TSPEAR: variants seen among roughly 807,000 people sequenced by gnomAD.
TSPEAR encodes thrombospondin type laminin G domain and EAR repeats.
A neutral mutation model predicts 71.6 loss-of-function variants in TSPEAR; 69 were observed. The observed-to-expected ratio is 0.96, with a 90% confidence interval of 0.79 to 1.18. The LOEUF (loss-of-function observed/expected upper bound fraction) is 1.18, where lower values mean the gene tolerates loss of function less well. Among genes scored for constraint, TSPEAR ranks in the 50% most tolerant of loss-of-function variants. The pLI, the probability that TSPEAR is intolerant of heterozygous loss-of-function variation, is 0.00. For missense variants in TSPEAR, 971 were observed against 894.9 expected (o/e 1.09, Z -1.09); for synonymous variants, 402 against 387.2 (o/e 1.04, Z -0.45).
chr21:44,547,323 A>G (rs2053317741), intron 2 of TSPEAR, among the ~76,000 whole-genome samples: 1 of 151,944 alleles, frequency 6.6e-6, no homozygotes, highest in Non-Finnish European at 1.5e-5. Flanking sequence ...GATTTTATTT[A>G]GTTTTTTGAA....
chr21:44,637,742 T>C, intron 1 of TSPEAR: 3 of 1,337,532 alleles, frequency 2.2e-6, no homozygotes, highest in Non-Finnish European at 3.1e-6. Flanking sequence ...CGTGCCCGTC[T>C]GTAACAAGCC....
At position 44,623,012 on chromosome 21, in the gene TSPEAR, C is replaced by T. The variant is rs1346790511; in HGVS notation, c.83-55007G>A. 3.3e-5 allele frequency among the ~76,000 whole-genome samples: 5 copies of T among 152,146 alleles called. No individual in the cohort carries two copies. Among genetic ancestry groups the T allele is most frequent in the African/African-American group, 1.2e-4 (5 of 41,418 alleles). On this transcript the variant is annotated intron_variant, in intron 1 of 11. Coordinates refer to ENST00000323084, the MANE Select transcript of TSPEAR (RefSeq NM_144991.3). This position sits in a 1 kb window ranked among gnomAD's most constrained non-coding sequence, Gnocchi z 4.5. ...TGCTACTCTTTTGCCATGTGACATG[C>T]CCACTCCCCCTTCACCTTCCACCAT...
chr21:44,557,931 T>C, intron 2 of TSPEAR: 1 of 1,196,602 alleles, frequency 8.4e-7, no homozygotes, highest in Non-Finnish European at 1.2e-6. Flanking sequence ...AGCTCAGCAT[T>C]GCTGGCTGGA....
intron 1 of TSPEAR, among the ~76,000 whole-genome samples, chr21:44,655,773 G>T (rs1985109821): frequency 6.6e-6 from 1 of 152,164 alleles, no homozygotes; most frequent in Non-Finnish European, 1.5e-5. Flanking sequence ...TTCTACGGTG[G>T]TGTCACACGG....
chr21:44,545,267 G>A (rs1259298925), intron 2 of TSPEAR, among the ~76,000 whole-genome samples: 8 of 151,544 alleles, frequency 5.3e-5, no homozygotes, highest in South Asian at 2.1e-4. Context: ...GCAGTGAGCC[G>A]ATATCGTGCC....
chr21:44,602,737 A>G (rs76068886), intron 1 of TSPEAR, among the ~76,000 whole-genome samples: 127,298 of 151,848 alleles, frequency 0.84, 54,828 homozygotes, highest in Non-Finnish European at 0.94. Context: ...TCGCACACGC[A>G]GCGTCCCAGC....
intron 1 of TSPEAR, chr21:44,592,489 G>T (rs1555927049): frequency 6.2e-7 from 1 of 1,604,540 alleles, no homozygotes; most frequent in Non-Finnish European, 8.5e-7. Flanking sequence ...GGCCATGCTG[G>T]GGTTGAACTG....
chr21:44,513,827 T>A (rs2052472023), intron 9 of TSPEAR, among the ~76,000 whole-genome samples: 1 of 152,084 alleles, frequency 6.6e-6, no homozygotes, highest in African/African-American at 2.4e-5. Flanking sequence ...CAGAAGGCAG[T>A]TCCCCAACAA....
In TSPEAR at chr21:44,509,390, G is replaced by A. The variant is rs1555912340; in HGVS notation, c.1567-4C>T. On this transcript the variant is annotated splice_polypyrimidine_tract_variant and splice_region_variant and intron_variant, in intron 9 of 11. Transcript: ENST00000323084. Reference sequence around the variant, plus strand: ...CCCAGTCTGCAGCACCGAACGTCTAGGACCAAAGGAGAGCAGGTGCAGAGG... The same window carrying A: ...CCCAGTCTGCAGCACCGAACGTCTAAGACCAAAGGAGAGCAGGTGCAGAGG... 6.2e-7 allele frequency: 1 copy of A among 1,611,240 alleles called. No individual in the cohort carries two copies. The highest frequency in any genetic ancestry group is 2.2e-5 in the East Asian group (1 of 44,724).
chr21:44,591,329 G>C, intron 1 of TSPEAR: 1 of 1,550,668 alleles, frequency 6.4e-7, no homozygotes, highest in Non-Finnish European at 8.7e-7. Context: ...AGAGCTTGCT[G>C]GGGCAGCTGG....
intron 1 of TSPEAR, among the ~76,000 whole-genome samples, chr21:44,592,762 G>T (rs1424452474): frequency 6.6e-6 from 1 of 152,152 alleles, no homozygotes; most frequent in Non-Finnish European, 1.5e-5. Context: ...GGAGCTGGGA[G>T]AGCCACAGGT....
At chr21:44,547,853 A>G (rs1196764423) in intron 2 of TSPEAR, among the ~76,000 whole-genome samples, 8 of 152,046 alleles carry the variant, frequency 5.3e-5, no homozygotes, top group Non-Finnish European at 1.2e-4. Flanking sequence ...CAGAGCCTGA[A>G]GTTCAGCCAG....
Position 44,499,944 on chromosome 21 carries a change from AC to A in TSPEAR, c.1857-9del. The A allele has an allele frequency of 6.2e-7, 1 of 1,601,034 alleles. No individual in the cohort carries two copies. The highest frequency in any genetic ancestry group is 1.1e-5 in the South Asian group (1 of 89,686). On this transcript the variant is annotated splice_polypyrimidine_tract_variant and intron_variant, in intron 11 of 11. Coordinates refer to ENST00000323084, the MANE Select transcript of TSPEAR (RefSeq NM_144991.3). ...CCCTCGTAGCCCTGCCACCTGCGGA[AC>A]AGACAGCGGCAGCCGGGTCAGCCTG... is the stretch of plus-strand genomic sequence containing the variant.
chr21:44,578,715 C>T (rs1228958715), intron 1 of TSPEAR, among the ~76,000 whole-genome samples: 5 of 152,084 alleles, frequency 3.3e-5, no homozygotes, highest in African/African-American at 1.2e-4. Flanking sequence ...GGGACAGTTG[C>T]CTACTTACTA....
chr21:44,705,519 G>A (rs1172858385), intron 1 of TSPEAR, among the ~76,000 whole-genome samples: 1 of 152,208 alleles, frequency 6.6e-6, no homozygotes, highest in Admixed American at 6.5e-5. Flanking sequence ...TCTCAGCATG[G>A]GATATCCCTG....
At chr21:44,518,255 G>A (rs782475015) in intron 9 of TSPEAR, 2 of 462,422 alleles carry the variant, frequency 4.3e-6, no homozygotes, top group East Asian at 1.4e-4. Context: ...CCTGACTCCT[G>A]CAGTTTTCAG....
In TSPEAR at chr21:44,612,346, G is replaced by C. The variant is rs782243820; in HGVS notation, c.83-44341C>G. On this transcript the variant is annotated intron_variant, in intron 1 of 11. Coordinates refer to ENST00000323084, the MANE Select transcript of TSPEAR (RefSeq NM_144991.3). The surrounding 1 kb of genome is among the most constrained non-coding windows in gnomAD (Gnocchi z 4.1). Reference sequence around the variant, plus strand: ...TGGTCTGTGCCCCAGTGAGCTGTGAGCCCAGCCCCTGCCAATCAGGCTGCA... The same window carrying C: ...TGGTCTGTGCCCCAGTGAGCTGTGACCCCAGCCCCTGCCAATCAGGCTGCA... 1 of 1,613,810 alleles carries C rather than the reference G, an allele frequency of 6.2e-7. No homozygotes were observed. Among genetic ancestry groups the C allele is most frequent in the South Asian group, 1.1e-5 (1 of 91,080 alleles).
chr21:44,693,677 G>GGCAAAGATTAT (rs572546563), intron 1 of TSPEAR, among the ~76,000 whole-genome samples: 1,708 of 152,076 alleles, frequency 0.011, 28 homozygotes, highest in African/African-American at 0.039. Flanking sequence ...AATAACAAGT[G>GGCAAAGATTAT]TTGGCAAAGA....
chr21:44,692,887 C>T (rs1485690775), intron 1 of TSPEAR, among the ~76,000 whole-genome samples: 2 of 151,796 alleles, frequency 1.3e-5, no homozygotes, highest in African/African-American at 4.8e-5. Context: ...ATTATAGGAA[C>T]TCAGAATAGC....
Sources: gnomAD v4.1 joint callset for allele counts (sites outside exome capture counted in the v4.1 genomes callset) on GRCh38, gnomAD v4.1.1 for gene constraint, Gnocchi (gnomAD v3.1) non-coding constraint, MANE v1.5 for transcripts, NCBI Gene and HGNC (gene_info 2026-07-23, HGNC 2026-07-21) for gene names.